Variants in TNRC6B observed in about 807,000 individuals in gnomAD.
TNRC6B encodes the protein trinucleotide repeat containing adaptor 6B.
TNRC6B carries 52 observed loss-of-function variants against 203.6 expected under a neutral mutation model. The ratio of observed to expected loss-of-function variants is 0.26; its 90% confidence interval spans 0.20 to 0.32. The LOEUF (loss-of-function observed/expected upper bound fraction) is 0.32. Among genes scored for constraint, TNRC6B ranks in the 10% least tolerant of loss-of-function variants. TNRC6B has a pLI of 1.00. For synonymous variants in TNRC6B, 838 were observed against 845.7 expected (o/e 0.99, Z 0.16); for missense variants, 1,923 against 2,286.2 (o/e 0.84, Z 3.24).
chr22:40,054,535 G>A (rs769907099), intron 1 of TNRC6B, among the ~76,000 whole-genome samples: 9 of 151,896 alleles, frequency 5.9e-5, no homozygotes, highest in South Asian at 2.1e-4. Flanking sequence ...TAATCACCCC[G>A]CCCCACATTA....
At chr22:40,088,582 TTTTGTGTGTG>T (rs2068120443) in intron 1 of TNRC6B, among the ~76,000 whole-genome samples, 1 of 79,370 alleles carries the variant, frequency 1.3e-5, no homozygotes, top group South Asian at 4.6e-4. Flanking sequence ...CGGCGGCTAC[TTTTGTGTGTG>T]TGTGTGTGTG....
intron 1 of TNRC6B, among the ~76,000 whole-genome samples, chr22:40,200,158 C>G (rs1289148474): frequency 6.6e-6 from 1 of 151,422 alleles, no homozygotes; most frequent in Non-Finnish European, 1.5e-5. Flanking sequence ...GTGACAGGGC[C>G]TCAAGTTGAC....
At chr22:40,132,969 A>AAAAAAAAAAT (rs1282694632) in intron 3 of TNRC6B, among the ~76,000 whole-genome samples, 1 of 78,174 alleles carries the variant, frequency 1.3e-5, no homozygotes, top group Non-Finnish European at 2.6e-5. Flanking sequence ...AAAAAAAAAA[A>AAAAAAAAAAT]ATATATATAT....
intron 1 of TNRC6B, among the ~76,000 whole-genome samples, chr22:40,056,489 C>A (rs1280413330): frequency 6.6e-6 from 1 of 152,068 alleles, no homozygotes; most frequent in Non-Finnish European, 1.5e-5. Flanking sequence ...GAAGGCAACA[C>A]CTTTAAGTAA....
chr22:40,238,484 G>A (rs1294727316), intron 1 of TNRC6B, among the ~76,000 whole-genome samples: 2 of 151,932 alleles, frequency 1.3e-5, no homozygotes, highest in East Asian at 3.9e-4. Context: ...CCCAACCACC[G>A]AATCCTGCTT....
At chr22:40,056,140 C>G (rs1174543885) in intron 1 of TNRC6B, among the ~76,000 whole-genome samples, 1 of 152,218 alleles carries the variant, frequency 6.6e-6, no homozygotes, top group African/African-American at 2.4e-5. Flanking sequence ...CACCCCATCT[C>G]TAGCCATCTT....
chr22:40,260,225 CA>C (rs2070357500), intron 3 of TNRC6B, among the ~76,000 whole-genome samples: 1 of 145,942 alleles, frequency 6.9e-6, no homozygotes. Context: ...TAAAGAAAAG[CA>C]AAAAGATTTG....
intron 10 of TNRC6B, 80 bp from the exon 11 acceptor site, chr22:40,281,039 T>G: frequency 9.2e-6 from 11 of 1,198,806 alleles, no homozygotes; most frequent in Non-Finnish European, 1.1e-5. Context: ...TTGCTAGTGT[T>G]TCTCTCTTTT....
chr22:40,281,265 C>T lies in TNRC6B; in HGVS notation c.3558C>T (p.Asn1186=). The T allele has an allele frequency of 1.3e-6, 2 of 1,546,624 alleles. No homozygotes were observed. The highest frequency in any genetic ancestry group is 1.7e-6 in the Non-Finnish European group (2 of 1,144,872). Residue 1186 remains asparagine (N), a synonymous_variant, in exon 11 of 23, where the codon AAC becomes AAT. Coordinates refer to ENST00000454349, the MANE Select transcript of TNRC6B (RefSeq NM_001162501.2). ...TTGGAGCAATCGGCACAGGGCTCAA[C>T]CCCCAAAACTTCGCTGCTAGACAAG... is the stretch of plus-strand genomic sequence containing the variant. ...VSLGAIGTGL[N]PQNFAARQGG... is the part of the protein sequence containing the mutation.
intron 21 of TNRC6B, among the ~76,000 whole-genome samples, 161 bp from the exon 22 acceptor site, chr22:40,320,929 C>T (rs1375597542): frequency 1.3e-5 from 2 of 152,206 alleles, no homozygotes; most frequent in Non-Finnish European, 2.9e-5. Context: ...TCTCTTAAAA[C>T]AGACCATAGG....
intron 1 of TNRC6B, among the ~76,000 whole-genome samples, chr22:40,239,336 G>A (rs778883415): frequency 1.8e-4 from 27 of 152,320 alleles, no homozygotes; most frequent in Non-Finnish European, 3.1e-4. Flanking sequence ...TTACCACCCT[G>A]GTAAAAGCAG....
At chr22:40,279,326 A>G (rs2070694014) in intron 9 of TNRC6B, among the ~76,000 whole-genome samples, 1 of 152,248 alleles carries the variant, frequency 6.6e-6, no homozygotes, top group Admixed American at 6.5e-5. Context: ...TCTTTGATCT[A>G]TGATATTTCT....
chr22:40,052,344 A>G (rs2067754135), intron 1 of TNRC6B, among the ~76,000 whole-genome samples: 1 of 152,184 alleles, frequency 6.6e-6, no homozygotes, highest in African/African-American at 2.4e-5. Flanking sequence ...GCATGAACCA[A>G]TAAGAATCGG....
intron 1 of TNRC6B, among the ~76,000 whole-genome samples, chr22:40,090,391 G>C (rs2068140245): frequency 7.0e-6 from 1 of 142,278 alleles, no homozygotes; most frequent in Admixed American, 6.8e-5. Context: ...GTGTGTAGTG[G>C]CATCTCATTG....
intron 1 of TNRC6B, among the ~76,000 whole-genome samples, chr22:40,238,183 T>C (rs955046715): frequency 6.6e-6 from 1 of 152,044 alleles, no homozygotes; most frequent in Non-Finnish European, 1.5e-5. Flanking sequence ...GAAGGTTCAT[T>C]CCCCTTCCCT....
chr22:40,278,019 A>C lies in TNRC6B; in HGVS notation c.3237A>C (p.Pro1079=), dbSNP rs371203489. Residue 1079 remains proline, a synonymous_variant, in exon 9 of 23, where the codon CCA becomes CCC. Transcript: ENST00000454349. The part of the protein sequence containing the change: ...MGLLSQTEDN[P]SSKMDLSVGS... ...TCCAGAGTCAGACTGAAGATAATCC[A>C]AGCAGCAAAATGGATTTGTCTGTAG... is the stretch of plus-strand genomic sequence containing the variant. 1 of 1,562,692 alleles carries C rather than the reference A, an allele frequency of 6.4e-7. No homozygotes were observed. The highest frequency in any genetic ancestry group is 1.2e-5 in the South Asian group (1 of 85,124).
chr22:40,125,027 T>A (rs78961674), intron 2 of TNRC6B, among the ~76,000 whole-genome samples: 54 of 148,868 alleles, frequency 3.6e-4, no homozygotes, highest in African/African-American at 1.0e-3. Context: ...AAAAAAAAAA[T>A]ATTCCTCAAT....
At chr22:40,278,353 A>G (rs945115297) in intron 9 of TNRC6B, among the ~76,000 whole-genome samples, 3 of 151,806 alleles carry the variant, frequency 2.0e-5, no homozygotes, top group African/African-American at 7.3e-5. Context: ...AGGTCAAGAG[A>G]TCGAGACCAT....
chr22:40,152,297 C>T (rs778324576), intron 3 of TNRC6B, among the ~76,000 whole-genome samples: 13 of 152,104 alleles, frequency 8.5e-5, no homozygotes, highest in South Asian at 4.2e-4. Flanking sequence ...AAATTTTGGA[C>T]GGAAAAGTTT....
Sources: allele counts gnomAD v4.1 joint callset (sites outside exome capture counted in the v4.1 genomes callset), GRCh38; gene constraint gnomAD v4.1.1; transcripts MANE v1.5; gene names NCBI Gene and HGNC (gene_info 2026-07-23, HGNC 2026-07-21).